The following XRCC4 variants were observed in gnomAD, a reference collection of about 807,000 sequenced individuals.
XRCC4 encodes X-ray repair cross complementing 4.
Under a neutral mutation model 39.1 loss-of-function variants are expected in XRCC4, and 28 were observed. The ratio of observed to expected loss-of-function variants is 0.72; its 90% CI spans 0.53 to 0.98. The LOEUF (loss-of-function observed/expected upper bound fraction) is 0.98, where lower values mean the gene tolerates loss of function less well. XRCC4 is among the 50% of genes least tolerant of loss of function. The pLI, the probability that XRCC4 is intolerant of heterozygous loss-of-function variation, is 0.00. For synonymous variants in XRCC4, 123 were observed against 126.4 expected (o/e 0.97, Z 0.18); for missense variants, 350 against 376.4 (o/e 0.93, Z 0.58).
At chr5:83,269,645 A>G (rs1334427636) in intron 7 of XRCC4, among the ~76,000 whole-genome samples, 1 of 152,122 alleles carries the variant, frequency 6.6e-6, no homozygotes, top group Non-Finnish European at 1.5e-5. Context: ...AATATTATAC[A>G]CTAGCATAAC....
rs371791305 is a variant in XRCC4, at chr5:83,087,457, G to A, written c.-11+9842G>A. On this transcript the variant is annotated intron_variant, in intron 1 of 7. Transcript: ENST00000396027. ...GCAGGTAGATCATTTGAGGTCAGGC[G>A]TTTGAGACCAGCATGGCCAACATAG... Among the ~76,000 whole-genome samples, 152 of 151,428 alleles carry A rather than the reference G, an allele frequency of 1.0e-3. 1 individual carries two copies. Among genetic ancestry groups the A allele is most frequent in the African/African-American group, 3.6e-3 (149 of 41,242 alleles).
the XRCC4 span, among the ~76,000 whole-genome samples, chr5:83,361,776 C>T: frequency 6.6e-6 from 1 of 152,054 alleles, no homozygotes; most frequent in Non-Finnish European, 1.5e-5. Flanking sequence ...CATCTGCCAC[C>T]ATGCCCAGCT....
intron 6 of XRCC4, among the ~76,000 whole-genome samples, chr5:83,237,876 A>T (rs78067248): frequency 0.046 from 7,026 of 152,182 alleles, 465 homozygotes; most frequent in African/African-American, 0.15. Context: ...TGTATCCATA[A>T]TAAAATAATT....
At chr5:83,200,612 A>G (rs1359643889) in intron 4 of XRCC4, among the ~76,000 whole-genome samples, 1 of 152,202 alleles carries the variant, frequency 6.6e-6, no homozygotes, top group Non-Finnish European at 1.5e-5. Context: ...TGTTAAGTAC[A>G]CATCATCATT....
chr5:83,273,014 A>G (rs1380727872), intron 7 of XRCC4, among the ~76,000 whole-genome samples: 1 of 152,160 alleles, frequency 6.6e-6, no homozygotes, highest in Non-Finnish European at 1.5e-5. Flanking sequence ...TGTCTTCCAC[A>G]ATGGTTGAAC....
chr5:83,245,023 C>G (rs1372166590), intron 6 of XRCC4, among the ~76,000 whole-genome samples: 1 of 151,798 alleles, frequency 6.6e-6, no homozygotes, highest in African/African-American at 2.4e-5. Flanking sequence ...TAAATCACAC[C>G]AGCTTGGAAC....
At chr5:83,177,218 TA>T (rs1313122457) in intron 3 of XRCC4, among the ~76,000 whole-genome samples, 1 of 152,152 alleles carries the variant, frequency 6.6e-6, no homozygotes, top group Non-Finnish European at 1.5e-5. Flanking sequence ...TAGGTTTCAG[TA>T]AAAGCAGACC....
At chr5:83,233,733 C>CAAAA (rs200461475) in intron 6 of XRCC4, among the ~76,000 whole-genome samples, 1,768 of 98,492 alleles carry the variant, frequency 0.018, 32 homozygotes, top group African/African-American at 0.057. Flanking sequence ...ACTAAAAATG[C>CAAAA]AAAAAAAAAA....
At chr5:83,158,536 A>G (rs2112575698) in intron 3 of XRCC4, among the ~76,000 whole-genome samples, 1 of 152,288 alleles carries the variant, frequency 6.6e-6, no homozygotes, top group South Asian at 2.1e-4. Flanking sequence ...ATTGAATGCC[A>G]AATACTGTAA....
At chr5:83,262,621 C>T (rs1753792069) in intron 7 of XRCC4, among the ~76,000 whole-genome samples, 1 of 151,956 alleles carries the variant, frequency 6.6e-6, no homozygotes, top group South Asian at 2.1e-4. Context: ...ATTAAATTCA[C>T]AGAGCTTTAT....
chr5:83,140,637 A>G (rs1304309088), intron 3 of XRCC4, among the ~76,000 whole-genome samples: 1 of 152,252 alleles, frequency 6.6e-6, no homozygotes, highest in Non-Finnish European at 1.5e-5. Context: ...AAGAATTGCT[A>G]ATGAATATCC....
chr5:83,126,112 CTATT>C (rs975077802), intron 3 of XRCC4, among the ~76,000 whole-genome samples: 1 of 151,084 alleles, frequency 6.6e-6, no homozygotes, highest in African/African-American at 2.4e-5. Flanking sequence ...CAGTTTTACT[CTATT>C]TATTTAAAAA....
chr5:83,258,108 A>G (rs1053642608), intron 6 of XRCC4, among the ~76,000 whole-genome samples: 1 of 152,164 alleles, frequency 6.6e-6, no homozygotes, highest in Admixed American at 6.5e-5. Context: ...TGATGGGTGC[A>G]GCACACCACC....
At chr5:83,137,258 A>C (rs7710630) in intron 3 of XRCC4, among the ~76,000 whole-genome samples, 73,533 of 151,868 alleles carry the variant, frequency 0.48, 18,755 homozygotes, top group African/African-American at 0.63. Context: ...TTTATATATG[A>C]ATGAAGAACA....
chr5:83,218,973 A>G (rs1751978000), intron 6 of XRCC4, among the ~76,000 whole-genome samples: 1 of 152,224 alleles, frequency 6.6e-6, no homozygotes, highest in African/African-American at 2.4e-5. Flanking sequence ...CAACAGAAAT[A>G]TATTTACTCA....
At chr5:83,248,474 G>A (rs1753191182) in intron 6 of XRCC4, among the ~76,000 whole-genome samples, 1 of 152,164 alleles carries the variant, frequency 6.6e-6, no homozygotes, top group African/African-American at 2.4e-5. Context: ...ATGTGGTACT[G>A]ATTAGATTTT....
the XRCC4 span, among the ~76,000 whole-genome samples, chr5:83,364,645 C>T: frequency 6.6e-6 from 1 of 152,162 alleles, no homozygotes; most frequent in African/African-American, 2.4e-5. Context: ...TGGCAGCATC[C>T]CCACTTGGGG....
chr5:83,231,683 T>C (rs1331998233), intron 6 of XRCC4, among the ~76,000 whole-genome samples: 2 of 152,142 alleles, frequency 1.3e-5, no homozygotes. Flanking sequence ...ATTACTTTAA[T>C]TTGGCACAAT....
chr5:83,093,805 A>G (rs1745542119), intron 1 of XRCC4, among the ~76,000 whole-genome samples: 2 of 152,154 alleles, frequency 1.3e-5, no homozygotes, highest in African/African-American at 4.8e-5. Flanking sequence ...GGATGTTGTA[A>G]AAGTTTTGCT....
Sources: gnomAD v4.1 joint callset for allele counts (sites outside exome capture counted in the v4.1 genomes callset) on GRCh38, gnomAD v4.1.1 for gene constraint, MANE v1.5 for transcripts, NCBI Gene and HGNC (gene_info 2026-07-23, HGNC 2026-07-21) for gene names.